The following TBC1D5 variants were observed in gnomAD, a reference collection of about 807,000 sequenced individuals.
TBC1D5 encodes TBC1 domain family, member 5.
Under a neutral mutation model 100.3 loss-of-function variants are expected in TBC1D5, and 75 were observed. The ratio of observed to expected loss-of-function variants is 0.75; its 90% CI spans 0.62 to 0.91. TBC1D5 has a LOEUF of 0.91. Among genes scored for constraint, TBC1D5 ranks in the 40% least tolerant of loss-of-function variants. The pLI, the probability that TBC1D5 is intolerant of heterozygous loss-of-function variation, is 0.00. For synonymous variants in TBC1D5, 323 were observed against 325.6 expected, an observed-to-expected ratio of 0.99 and a Z score of 0.09; for missense variants, 910 against 942.4, an observed-to-expected ratio of 0.97 and a Z score of 0.45.
intron 1 of TBC1D5, among the ~76,000 whole-genome samples, chr3:17,658,280 T>A (rs990979393): frequency 6.6e-6 from 1 of 152,252 alleles, no homozygotes; most frequent in African/African-American, 2.4e-5. Context: ...GCTATTTGAT[T>A]TCCTGCTATA....
intron 2 of TBC1D5, among the ~76,000 whole-genome samples, chr3:17,523,043 T>G (rs1035169826): frequency 1.3e-5 from 2 of 152,202 alleles, no homozygotes; most frequent in African/African-American, 2.4e-5. Context: ...TGATGATTGC[T>G]AATATTTCAC....
Position 17,562,620 on chromosome 3 carries a change from C to A in TBC1D5, c.-35-54015G>T, listed in dbSNP as rs185082095. On this transcript the variant is annotated intron_variant, in intron 2 of 21. Coordinates refer to ENST00000253692, the Ensembl canonical transcript of TBC1D5. Reference sequence around the variant, plus strand: ...GGGACTGTGCTAAACACCAGACAAACCAATACCAACCATAACTAAAATAAC... The same window carrying A: ...GGGACTGTGCTAAACACCAGACAAAACAATACCAACCATAACTAAAATAAC... Among the ~76,000 whole-genome samples the A allele has an allele frequency of 1.0e-3, 154 of 151,968 alleles. 2 individuals carry two copies. In the South Asian group the frequency reaches 0.018, roughly 18 times the overall value.
intron 3 of TBC1D5, among the ~76,000 whole-genome samples, chr3:17,457,174 T>A (rs964246570): frequency 3.3e-5 from 5 of 152,178 alleles, no homozygotes; most frequent in Admixed American, 6.5e-5. Flanking sequence ...TTTTAAATTT[T>A]TATTTTCTAT....
chr3:17,431,078 A>G (rs1355833990), intron 3 of TBC1D5, among the ~76,000 whole-genome samples: 3 of 151,942 alleles, frequency 2.0e-5, no homozygotes, highest in African/African-American at 7.2e-5. Context: ...ATAAGTATTA[A>G]TTTTATAAGG....
chr3:17,350,313 T>C (rs1342572507), intron 13 of TBC1D5, among the ~76,000 whole-genome samples: 1 of 127,482 alleles, frequency 7.8e-6, no homozygotes, highest in Non-Finnish European at 1.5e-5. Context: ...GAGAAACGCA[T>C]GGGAGGAATG....
At chr3:17,664,015 A>T (rs1203358741) in intron 1 of TBC1D5, among the ~76,000 whole-genome samples, 1 of 152,216 alleles carries the variant, frequency 6.6e-6, no homozygotes, top group Non-Finnish European at 1.5e-5. Context: ...GAATAAATGG[A>T]AAAATGCATT....
intron 18 of TBC1D5, among the ~76,000 whole-genome samples, chr3:17,203,517 A>AG (rs1427729249): frequency 6.6e-6 from 1 of 152,204 alleles, no homozygotes; most frequent in Non-Finnish European, 1.5e-5. Context: ...AGCCAGGTAC[A>AG]GGATAATATG....
chr3:17,588,785 T>C (rs2096748608), intron 2 of TBC1D5, among the ~76,000 whole-genome samples: 1 of 152,182 alleles, frequency 6.6e-6, no homozygotes, highest in South Asian at 2.1e-4. Flanking sequence ...TACACTTCAA[T>C]CTGCCAACAA....
intron 13 of TBC1D5, among the ~76,000 whole-genome samples, chr3:17,310,069 T>C (rs113618138): frequency 0.014 from 2,154 of 152,216 alleles, 50 homozygotes; most frequent in African/African-American, 0.049. Flanking sequence ...TCATCACAGA[T>C]AGTGCTTTAA....
At chr3:17,330,730 T>C (rs1045760775) in intron 13 of TBC1D5, among the ~76,000 whole-genome samples, 3 of 152,160 alleles carry the variant, frequency 2.0e-5, no homozygotes, top group Admixed American at 6.5e-5. Context: ...ATTTTCAGAC[T>C]AATATGTGTA....
chr3:17,652,842 A>G (rs2065707374), intron 1 of TBC1D5, among the ~76,000 whole-genome samples: 1 of 152,226 alleles, frequency 6.6e-6, no homozygotes, highest in African/African-American at 2.4e-5. Context: ...CAACAATTCA[A>G]CAAGTAAATG....
chr3:17,238,167 G>C, exon 17 of TBC1D5: 1 of 1,610,536 alleles, frequency 6.2e-7, no homozygotes, highest in East Asian at 2.2e-5. Flanking sequence ...TCCTACCTTT[G>C]TTCAATTGCA....
Position 17,455,544 on chromosome 3 carries a change from G to A in TBC1D5, c.98-27025C>T, listed in dbSNP as rs532942810. ...TATATATATATATGTGTGTGTGTGT[G>A]TATATATATATAGGTCTGGTGCAGT... On this transcript the variant is annotated intron_variant, in intron 3 of 21. Coordinates refer to ENST00000253692, the Ensembl canonical transcript of TBC1D5. 8.5e-3 allele frequency among the ~76,000 whole-genome samples: 1,250 copies of A among 147,668 alleles called. 15 individuals are homozygous for A. Among genetic ancestry groups the A allele is most frequent in the African/African-American group, 0.029 (1,140 of 39,642 alleles).
intron 3 of TBC1D5, among the ~76,000 whole-genome samples, chr3:17,491,277 CTCT>C (rs1233978390): frequency 2.6e-5 from 4 of 152,164 alleles, no homozygotes; most frequent in Non-Finnish European, 4.4e-5. Context: ...CTGACTTCCT[CTCT>C]TCTTATTTGA....
rs1016871589 is a variant in TBC1D5 at position 17,552,292 on chromosome 3, A to T, written c.-35-43687T>A. Among the ~76,000 whole-genome samples, 11 of 152,276 alleles carry T rather than the reference A, an allele frequency of 7.2e-5. No individual in the cohort carries two copies. In the South Asian group the frequency reaches 1.9e-3, roughly 26 times the overall value. On this transcript the variant is annotated intron_variant, in intron 2 of 21. Coordinates refer to ENST00000253692, the Ensembl canonical transcript of TBC1D5. ...TGGACAAAGCTCCCTCCTGTTAGAG[A>T]CCTTATGCTTCAAAATCATAATTCA...
chr3:17,715,431 G>A (rs938714176), intron 1 of TBC1D5, among the ~76,000 whole-genome samples: 7 of 151,992 alleles, frequency 4.6e-5, no homozygotes, highest in South Asian at 2.1e-4. Context: ...ATGCAATTTG[G>A]GAACAAAAAA....
chr3:17,327,882 T>C (rs561206327), intron 13 of TBC1D5, among the ~76,000 whole-genome samples: 1 of 152,180 alleles, frequency 6.6e-6, no homozygotes, highest in Non-Finnish European at 1.5e-5. Context: ...ACAATGGATG[T>C]TCAATATATA....
chr3:17,549,572 T>C (rs554547152), intron 2 of TBC1D5, among the ~76,000 whole-genome samples: 79 of 152,312 alleles, frequency 5.2e-4, no homozygotes, highest in South Asian at 2.1e-3. Flanking sequence ...GCAAAAGTCA[T>C]ACTATAAAAT....
At chr3:17,646,752 T>C (rs1577211323) in intron 1 of TBC1D5, among the ~76,000 whole-genome samples, 1 of 152,158 alleles carries the variant, frequency 6.6e-6, no homozygotes, top group South Asian at 2.1e-4. Context: ...GTTGGTAGTA[T>C]CCATGGTCTC....
Sources: gnomAD v4.1 joint callset for allele counts (sites outside exome capture counted in the v4.1 genomes callset) on GRCh38, gnomAD v4.1.1 for gene constraint, MANE v1.5 for transcripts, NCBI Gene and HGNC (gene_info 2026-07-23, HGNC 2026-07-21) for gene names.